Variants in CTNND2 observed in about 807,000 individuals in gnomAD.
CTNND2 encodes the protein catenin delta-2.
CTNND2 carries 22 observed loss-of-function variants against 144.4 expected under a neutral mutation model. The observed-to-expected ratio is 0.15, with a 90% confidence interval of 0.11 to 0.22. CTNND2 has a LOEUF of 0.22. Ranked by LOEUF, CTNND2 falls within the 10% of genes least tolerant of loss-of-function variation. The pLI, the probability that CTNND2 is intolerant of heterozygous loss-of-function variation, is 1.00. For missense variants in CTNND2, 1,353 were observed against 1,618.8 expected (o/e 0.84, Z 2.82); for synonymous variants, 751 against 695.6 (o/e 1.08, Z -1.25).
chr5:11,412,099 G>A (rs1248088451), intron 3 of CTNND2, 30 bp from the exon 4 acceptor site: 22 of 1,575,336 alleles, frequency 1.4e-5, no homozygotes, highest in Non-Finnish European at 1.8e-5. Flanking sequence ...GAGATATAAT[G>A]CATTGATTAG....
intron 3 of CTNND2, among the ~76,000 whole-genome samples, chr5:11,542,102 T>A (rs966842111): frequency 2.6e-5 from 4 of 152,088 alleles, no homozygotes; most frequent in African/African-American, 9.7e-5. Context: ...GAACATGACC[T>A]GCAGGGATTT....
At chr5:11,711,971 A>C (rs1561719691) in intron 2 of CTNND2, among the ~76,000 whole-genome samples, 1 of 152,222 alleles carries the variant, frequency 6.6e-6, no homozygotes, top group Non-Finnish European at 1.5e-5. Flanking sequence ...TATTATTAGT[A>C]GGAGTTCAAA....
At chr5:11,736,638 C>T (rs751348444) in intron 1 of CTNND2, among the ~76,000 whole-genome samples, 2 of 152,108 alleles carry the variant, frequency 1.3e-5, no homozygotes, top group African/African-American at 4.8e-5. Context: ...TGTTAAACTT[C>T]TAACTTCGCA....
At chr5:11,666,252 T>G (rs1466490632) in intron 2 of CTNND2, among the ~76,000 whole-genome samples, 2 of 152,156 alleles carry the variant, frequency 1.3e-5, no homozygotes. Context: ...CTCATAGGAT[T>G]GTCTAAGCTA....
At chr5:11,001,977 C>T (rs150131804) in intron 18 of CTNND2, among the ~76,000 whole-genome samples, 1 of 152,326 alleles carries the variant, frequency 6.6e-6, no homozygotes, top group Non-Finnish European at 1.5e-5. Context: ...CCCTCCACCT[C>T]CAGTGCTTCT....
chr5:11,810,569 C>T (rs1190580445), intron 1 of CTNND2, among the ~76,000 whole-genome samples: 1 of 152,128 alleles, frequency 6.6e-6, no homozygotes, highest in Non-Finnish European at 1.5e-5. Flanking sequence ...ACGTTTTCCT[C>T]TTACTATAAA....
chr5:11,453,235 A>G (rs1464198509), intron 3 of CTNND2, among the ~76,000 whole-genome samples: 2 of 152,198 alleles, frequency 1.3e-5, no homozygotes, highest in Non-Finnish European at 2.9e-5. Context: ...CTATTAATAA[A>G]TCATTAGCAC....
chr5:11,710,502 C>T (rs1785961931), intron 2 of CTNND2, among the ~76,000 whole-genome samples: 1 of 148,638 alleles, frequency 6.7e-6, no homozygotes, highest in African/African-American at 2.5e-5. Flanking sequence ...ATCACACCAA[C>T]TGCACTCCAG....
intron 15 of CTNND2, among the ~76,000 whole-genome samples, chr5:11,090,063 G>C (rs1374749208): frequency 6.6e-6 from 1 of 152,200 alleles, no homozygotes; most frequent in Admixed American, 6.5e-5. Context: ...TCCTTTGGGA[G>C]TGTGTTCTAA....
intron 12 of CTNND2, among the ~76,000 whole-genome samples, chr5:11,136,185 G>A (rs1697558813): frequency 6.6e-6 from 1 of 152,120 alleles, no homozygotes; most frequent in South Asian, 2.1e-4. Context: ...CTCTAGAACT[G>A]TCAGAAATAC....
At chr5:11,410,369 T>G (rs1194896565) in intron 5 of CTNND2, among the ~76,000 whole-genome samples, 1 of 152,184 alleles carries the variant, frequency 6.6e-6, no homozygotes, top group Non-Finnish European at 1.5e-5. Flanking sequence ...TGAGCTAATC[T>G]GTAAAATAAA....
intron 20 of CTNND2, among the ~76,000 whole-genome samples, chr5:10,984,019 C>A (rs1158259630): frequency 6.6e-6 from 1 of 152,164 alleles, no homozygotes; most frequent in African/African-American, 2.4e-5. Flanking sequence ...CCTCAGACTT[C>A]AAATGTCTCC....
intron 11 of CTNND2, among the ~76,000 whole-genome samples, chr5:11,198,107 G>A (rs1248015165): frequency 6.6e-6 from 1 of 152,070 alleles, no homozygotes; most frequent in Non-Finnish European, 1.5e-5. Context: ...ACAAATATAA[G>A]GATGGGTGTT....
chr5:11,574,466 T>A (rs1362348913), intron 2 of CTNND2, among the ~76,000 whole-genome samples: 3 of 152,112 alleles, frequency 2.0e-5, no homozygotes, highest in African/African-American at 7.2e-5. Flanking sequence ...TTCCACTGTT[T>A]TAATGAAGGC....
At chr5:11,741,563 C>T (rs2126764659) in intron 1 of CTNND2, among the ~76,000 whole-genome samples, 1 of 151,672 alleles carries the variant, frequency 6.6e-6, no homozygotes, top group African/African-American at 2.4e-5. Context: ...ACACTGGGGC[C>T]TGTCAGGGGG....
chr5:11,578,054 TCA>T (rs1778100995), intron 2 of CTNND2, among the ~76,000 whole-genome samples: 1 of 152,158 alleles, frequency 6.6e-6, no homozygotes, highest in Non-Finnish European at 1.5e-5. Flanking sequence ...AAAAATAGTC[TCA>T]GTTTCTTCTG....
intron 2 of CTNND2, among the ~76,000 whole-genome samples, chr5:11,625,479 C>A (rs949540305): frequency 6.6e-5 from 10 of 151,492 alleles, no homozygotes; most frequent in African/African-American, 2.2e-4. Context: ...TAAACTAGGT[C>A]ATAGACTGAA....
At chr5:11,810,776 A>C (rs1373982937) in intron 1 of CTNND2, among the ~76,000 whole-genome samples, 1 of 152,176 alleles carries the variant, frequency 6.6e-6, no homozygotes, top group Non-Finnish European at 1.5e-5. Context: ...TAAATTAGCT[A>C]ATTACGCATT....
rs1437535921 is a variant in CTNND2, at chr5:11,355,750, T to C, written c.1372+8946A>G. On this transcript the variant is annotated intron_variant, in intron 8 of 21. Coordinates refer to ENST00000304623, the MANE Select transcript of CTNND2 (RefSeq NM_001332.4). ...AAGGAGAAAGTCAAATTGTCTCTGT[T>C]TGCAGATGGCATGATCATATAAATG... 3.3e-5 allele frequency among the ~76,000 whole-genome samples: 5 copies of C among 152,130 alleles called. No individual in the cohort carries two copies. The East Asian group carries it at 9.6e-4, about 29-fold the overall frequency.
Sources: gnomAD v4.1 joint callset for allele counts (sites outside exome capture counted in the v4.1 genomes callset) on GRCh38, gnomAD v4.1.1 for gene constraint, MANE v1.5 for transcripts, NCBI Gene and HGNC (gene_info 2026-07-23, HGNC 2026-07-21) for gene names.